Variants in ZNF664 observed in about 807,000 individuals in gnomAD.
ZNF664 encodes the protein zinc finger protein 664, also known as zinc finger Organ of Corti 1.
A neutral mutation model predicts 18.2 loss-of-function variants in ZNF664; 10 were observed. That is an observed-to-expected ratio of 0.55 (90% confidence interval 0.34 to 0.93). The LOEUF (loss-of-function observed/expected upper bound fraction) is 0.93, where lower values mean the gene tolerates loss of function less well. ZNF664 is among the 40% of genes least tolerant of loss of function. ZNF664 has a pLI of 0.02. For missense variants in ZNF664, 193 were observed against 319.0 expected (o/e 0.61, Z 3.01); for synonymous variants, 119 against 104.2 (o/e 1.14, Z -0.86).
chr12:124,011,512 A>C lies in ZNF664; in HGVS notation c.-599-34A>C, dbSNP rs946894254. 7.5e-6 allele frequency: 6 copies of C among 799,266 alleles called. No individual in the cohort carries two copies. The African/African-American group carries it at 1.1e-4, about 15-fold the overall frequency. The allele number at this position is 799,266 out of a possible 1,614,324, so 49.5% of individuals were successfully genotyped here. A position where few individuals can be genotyped will look rare whatever the true frequency, so the allele number is the denominator to read the frequency against. On this transcript the variant is annotated intron_variant, in intron 4 of 4. Coordinates refer to ENST00000337815, the MANE Select transcript of ZNF664 (RefSeq NM_152437.3). ...CAATAGCAGTTTTCCAGATAAAAGC[A>C]TTTTCAATTTATTTATTTATGTTTC...
At chr12:124,009,259 C>T (rs1957107965) in intron 3 of ZNF664, among the ~76,000 whole-genome samples, 1 of 152,158 alleles carries the variant, frequency 6.6e-6, no homozygotes, top group Admixed American at 6.5e-5. Flanking sequence ...TAGGTATGTG[C>T]AATCAGTATA....
At chr12:123,997,179 G>T (rs73221416) in intron 3 of ZNF664, among the ~76,000 whole-genome samples, 6,258 of 152,238 alleles carry the variant, frequency 0.041, 224 homozygotes, top group South Asian at 0.12. Context: ...GAGCTAAAAG[G>T]GCTTGGGTGA....
rs534571434 is a variant in ZNF664 at position 123,992,080 on chromosome 12, G to A, written c.-661+3942G>A. On this transcript the variant is annotated intron_variant, in intron 3 of 4. Transcript: ENST00000337815. ...CTCATTAAAACCCAGAGCCCAAATC[G>A]TTAAGCCATTGAACTTTGTCTGTTG... 1.1e-4 allele frequency among the ~76,000 whole-genome samples: 16 copies of A among 152,310 alleles called. No individual in the cohort carries two copies. The East Asian group carries it at 3.1e-3, about 29-fold the overall frequency.
chr12:123,980,653 A>G (rs981482551), intron 2 of ZNF664, among the ~76,000 whole-genome samples: 1 of 152,174 alleles, frequency 6.6e-6, no homozygotes, highest in African/African-American at 2.4e-5. Context: ...TGTTAAGTGG[A>G]AGGAAATCAG....
At chr12:124,011,501 C>G in intron 4 of ZNF664, 45 bp from the exon 5 acceptor site, 1 of 799,778 alleles carries the variant, frequency 1.3e-6, no homozygotes, top group Middle Eastern at 5.9e-4. Flanking sequence ...AGCAGTTTTC[C>G]AGATAAAAGC....
intron 2 of ZNF664, among the ~76,000 whole-genome samples, chr12:123,982,141 C>T (rs955384902): frequency 5.9e-5 from 9 of 152,154 alleles, no homozygotes; most frequent in Non-Finnish European, 1.0e-4. Flanking sequence ...GTCCCTTCCA[C>T]GTAGGGGCAG....
rs563143330 is a variant in ZNF664 at position 123,991,666 on chromosome 12, C to T, written c.-661+3528C>T. ...CATTATTATCCATACATTTGCAGCT[C>T]GATCAGATCAGCCACAGTCACATAG... On this transcript the variant is annotated intron_variant, in intron 3 of 4. Coordinates refer to ENST00000337815, the MANE Select transcript of ZNF664 (RefSeq NM_152437.3). Among the ~76,000 whole-genome samples, 14 of 152,258 alleles carry T rather than the reference C, an allele frequency of 9.2e-5. 1 individual carries two copies. The South Asian group carries it at 1.2e-3, about 14-fold the overall frequency.
At chr12:123,977,297 G>A (rs1956705103) in intron 2 of ZNF664, among the ~76,000 whole-genome samples, 1 of 152,076 alleles carries the variant, frequency 6.6e-6, no homozygotes, top group Non-Finnish European at 1.5e-5. Flanking sequence ...TAGGAGTGAA[G>A]TGAGGCTCTA....
intron 2 of ZNF664, among the ~76,000 whole-genome samples, chr12:123,983,122 G>A (rs536414786): frequency 1.6e-3 from 244 of 152,278 alleles, no homozygotes; most frequent in Non-Finnish European, 2.9e-3. Flanking sequence ...ACTCCAGCCT[G>A]GGTGACAGAG....
At chr12:123,976,879 G>A (rs1956699293) in intron 2 of ZNF664, among the ~76,000 whole-genome samples, 1 of 151,972 alleles carries the variant, frequency 6.6e-6, no homozygotes, top group Non-Finnish European at 1.5e-5. Flanking sequence ...AGGAGACCGA[G>A]ACCATCCTGG....
At chr12:123,984,995 T>G (rs900637068) in intron 2 of ZNF664, among the ~76,000 whole-genome samples, 3 of 151,806 alleles carry the variant, frequency 2.0e-5, no homozygotes, top group Non-Finnish European at 4.4e-5. Flanking sequence ...GACCGTAGAC[T>G]AGGATTCAGG....
rs185910276 is a variant in ZNF664, at chr12:124,001,141, C to T, written c.-660-10240C>T. ...TCATCCTTGGCATTTCCTTGTCCCT[C>T]ACCCATTGTATTGAATCTGTCACCA... On this transcript the variant is annotated intron_variant, in intron 3 of 4. Transcript: ENST00000337815. Among the ~76,000 whole-genome samples, 8 of 152,300 alleles carry T rather than the reference C, an allele frequency of 5.3e-5. No individual in the cohort carries two copies. In the East Asian group the frequency reaches 1.5e-3, roughly 29 times the overall value.
chr12:123,988,529 C>A (rs774082099), intron 3 of ZNF664, among the ~76,000 whole-genome samples: 5 of 151,994 alleles, frequency 3.3e-5, no homozygotes, highest in Non-Finnish European at 7.4e-5. Flanking sequence ...TGTTCCTATC[C>A]TCACCGAGCT....
rs1450358347 is a variant in ZNF664 at position 124,013,309 on chromosome 12, T to C, written c.*379T>C. 4 of 224,956 alleles carry C rather than the reference T, an allele frequency of 1.8e-5. No homozygotes were observed. The highest frequency in any genetic ancestry group is 2.9e-5 in the Non-Finnish European group (3 of 104,902). The allele number at this position is 224,956 out of a possible 1,614,324, so 13.9% of individuals were successfully genotyped here. Reference sequence around the variant, plus strand: ...CAGATACTCCCCCTTGAGGAGCTCATGCCCTTCCTTCCTCTTTATTCGAGC... The same window carrying C: ...CAGATACTCCCCCTTGAGGAGCTCACGCCCTTCCTTCCTCTTTATTCGAGC... On this transcript the variant is annotated 3_prime_UTR_variant, in exon 5 of 5. Transcript: ENST00000337815.
rs200961657 is a variant in ZNF664, at chr12:123,996,956, G to A, written c.-661+8818G>A. Among the ~76,000 whole-genome samples, 5 of 152,318 alleles carry A rather than the reference G, an allele frequency of 3.3e-5. No homozygotes were observed. In the East Asian group the frequency reaches 7.7e-4, roughly 23 times the overall value. ...CCAGCCACAGAAGTATGTATGTGTC[G>A]TTGACTTTTTGGTGTCAGAGGTGAA... On this transcript the variant is annotated intron_variant, in intron 3 of 4. Transcript: ENST00000337815.
chr12:123,989,107 G>A (rs2138367731), intron 3 of ZNF664, among the ~76,000 whole-genome samples: 1 of 152,278 alleles, frequency 6.6e-6, no homozygotes, highest in South Asian at 2.1e-4. Flanking sequence ...GGGAGGTAAA[G>A]GATATTGTGT....
intron 3 of ZNF664, among the ~76,000 whole-genome samples, chr12:123,994,644 C>T (rs545854782): frequency 2.0e-5 from 3 of 152,284 alleles, no homozygotes; most frequent in East Asian, 3.9e-4. Context: ...TTTTAGTAGC[C>T]TTTTCAGATA....
In ZNF664 at chr12:124,013,003, A is replaced by G. The variant is rs543182856; in HGVS notation, c.*73A>G. 5.3e-6 allele frequency: 8 copies of G among 1,501,796 alleles called. No homozygotes were observed. The highest frequency in any genetic ancestry group is 4.7e-5 in the East Asian group (2 of 42,702). 93.0% of individuals were successfully genotyped at this position (1,501,796 alleles called of 1,614,324 possible). On this transcript the variant is annotated 3_prime_UTR_variant, in exon 5 of 5. Transcript: ENST00000337815. The stretch of plus-strand genomic sequence containing the variant: ...GGAAGGAAACCCTGTATATACCTAC[A>G]TTGACCCAAGAAATATTTACGCAAT...
At chr12:124,000,376 A>G (rs910095316) in intron 3 of ZNF664, among the ~76,000 whole-genome samples, 7 of 152,148 alleles carry the variant, frequency 4.6e-5, no homozygotes, top group Admixed American at 3.9e-4. Flanking sequence ...TCGCCTGTTC[A>G]TAGAGGCCCG....
Sources: allele counts gnomAD v4.1 joint callset (sites outside exome capture counted in the v4.1 genomes callset), GRCh38; gene constraint gnomAD v4.1.1; transcripts MANE v1.5; gene names NCBI Gene and HGNC (gene_info 2026-07-23, HGNC 2026-07-21).